The following GBP3 variants were observed in gnomAD, a reference collection of about 807,000 sequenced individuals.
GBP3 encodes the protein guanylate-binding protein 3.
In GBP3, 55 loss-of-function variants were observed where a neutral mutation model predicts 62.4. That is an observed-to-expected ratio of 0.88 (90% CI 0.71 to 1.10). GBP3 has a LOEUF of 1.10. Among genes scored for constraint, GBP3 ranks in the 50% least tolerant of loss-of-function variants. GBP3 has a pLI of 0.00. For synonymous variants in GBP3, 208 were observed against 259.2 expected (o/e 0.80, Z 1.90); for missense variants, 605 against 690.6 (o/e 0.88, Z 1.39).
chr1:89,021,499 T>TGCGC (rs143944083), intron 1 of GBP3, among the ~76,000 whole-genome samples: 19,869 of 117,532 alleles, frequency 0.17, 1,773 homozygotes, highest in Non-Finnish European at 0.24. Flanking sequence ...GAAACACGCA[T>TGCGC]GCGCGCGCGC....
rs537220924 is a variant in GBP3 at position 89,011,285 on chromosome 1, C to T, written c.1150-169G>A. ...TCCTGACCCCACTTTCTACTGAAAT[C>T]GCTTTCTCTTTAGAGGTGAGGTTCA... On this transcript the variant is annotated intron_variant, in intron 7 of 10. Coordinates refer to ENST00000370481, the MANE Select transcript of GBP3 (RefSeq NM_018284.3). Among the ~76,000 whole-genome samples, 4 of 139,704 alleles carry T rather than the reference C, an allele frequency of 2.9e-5. 1 individual carries two copies. Among genetic ancestry groups the T allele is most frequent in the South Asian group, 4.6e-4 (2 of 4,304 alleles). 91.7% of individuals were successfully genotyped at this position (139,704 alleles called of 152,430 possible). A position where few individuals can be genotyped will look rare whatever the true frequency, so the allele number is the denominator to read the frequency against.
At position 89,007,028 on chromosome 1, in the gene GBP3, A is replaced by T. The variant is rs758951073; in HGVS notation, c.*696T>A. ...ATACATTACTAAAATTACACAGTGC[A>T]TAATTGTTACCATGTGACTATTTAA... On this transcript the variant is annotated 3_prime_UTR_variant, in exon 11 of 11. Transcript: ENST00000370481. The T allele has an allele frequency of 2.6e-5, 4 of 152,252 alleles. No individual in the cohort carries two copies. The highest frequency in any genetic ancestry group is 9.6e-5 in the African/African-American group (4 of 41,474). 9.4% of individuals were successfully genotyped at this position (152,252 alleles called of 1,614,324 possible).
intron 1 of GBP3, among the ~76,000 whole-genome samples, chr1:89,022,473 C>T (rs1364145888): frequency 3.3e-5 from 5 of 152,196 alleles, no homozygotes; most frequent in Non-Finnish European, 7.3e-5. Flanking sequence ...ACTGTAGTGG[C>T]ACTTAGAGCC....
chr1:89,014,469 A>G (rs1678771605), intron 4 of GBP3, 78 bp downstream of exon 4: 1 of 1,613,712 alleles, frequency 6.2e-7, no homozygotes, highest in Admixed American at 1.7e-5. Context: ...ATTCATCAGG[A>G]TTCACAGTCA....
chr1:89,014,373 C>T (rs755401900), intron 4 of GBP3, 94 bp from the exon 5 acceptor site: 15 of 1,600,252 alleles, frequency 9.4e-6, no homozygotes, highest in Non-Finnish European at 1.3e-5. Context: ...TTCCTTTGAT[C>T]CTAACCTAAG....
intron 10 of GBP3, 48 bp from the exon 11 acceptor site, chr1:89,007,900 C>T: frequency 6.4e-7 from 1 of 1,551,334 alleles, no homozygotes; most frequent in Non-Finnish European, 8.7e-7. Context: ...TTAAGTAAAT[C>T]TCTGTAAGCT....
intron 5 of GBP3, chr1:89,013,665 C>T (rs1678715604): frequency 1.9e-6 from 1 of 513,112 alleles, no homozygotes; most frequent in Non-Finnish European, 3.4e-6. Flanking sequence ...TCTTAGGCTG[C>T]AGTTCGCCAG....
At chr1:89,011,654 A>C in intron 7 of GBP3, 93 bp downstream of exon 7, 1 of 1,325,200 alleles carries the variant, frequency 7.5e-7, no homozygotes, top group Non-Finnish European at 1.0e-6. Flanking sequence ...AATCTAGAAT[A>C]ATTATTTGTC....
At chr1:89,015,744 T>A (rs1260223395) in intron 2 of GBP3, among the ~76,000 whole-genome samples, 4 of 86,028 alleles carry the variant, frequency 4.6e-5, no homozygotes, top group Admixed American at 1.2e-4. Context: ...ACTCTTGTCT[T>A]AAAAAAAAAA....
At chr1:89,007,884 G>A in intron 10 of GBP3, 32 bp from the exon 11 acceptor site, 1 of 1,589,226 alleles carries the variant, frequency 6.3e-7, no homozygotes, top group Non-Finnish European at 8.6e-7. Context: ...CTAAATAAGT[G>A]TAGCATTAAG....
At chr1:89,021,832 A>C (rs1679248510) in intron 1 of GBP3, among the ~76,000 whole-genome samples, 39 of 141,790 alleles carry the variant, frequency 2.8e-4, no homozygotes, top group Middle Eastern at 3.6e-3. Context: ...AGAGAGAGAG[A>C]AAGTGCCAGC....
chr1:89,014,758 A>G (rs1678792970), intron 3 of GBP3, 102 bp from the exon 4 acceptor site: 2 of 1,415,830 alleles, frequency 1.4e-6, no homozygotes, highest in Non-Finnish European at 9.7e-7. Flanking sequence ...GTTTTCTTTT[A>G]AGACTAATGA....
chr1:89,021,718 G>C (rs964994046), intron 1 of GBP3, among the ~76,000 whole-genome samples: 1 of 150,966 alleles, frequency 6.6e-6, no homozygotes, highest in East Asian at 1.9e-4. Flanking sequence ...CCATTTTGTA[G>C]AGTAGGAGAA....
chr1:89,021,809 GAGAGAGAGAGA>G (rs1679241761), intron 1 of GBP3, among the ~76,000 whole-genome samples: 2 of 148,600 alleles, frequency 1.3e-5, no homozygotes, highest in African/African-American at 5.1e-5. Context: ...GAGAGAGAGA[GAGAGAGAGAGA>G]GAGAGAGAGA....
intron 5 of GBP3, 28 bp from the exon 6 acceptor site, chr1:89,013,455 C>G (rs752257792): frequency 1.3e-6 from 2 of 1,591,142 alleles, no homozygotes; most frequent in African/African-American, 2.7e-5. Context: ...AGAAATTTGC[C>G]TAATATAAGT....
At chr1:89,021,744 G>C (rs976300133) in intron 1 of GBP3, among the ~76,000 whole-genome samples, 6 of 143,738 alleles carry the variant, frequency 4.2e-5, no homozygotes, top group African/African-American at 1.5e-4. Flanking sequence ...AATGGGAAGA[G>C]GAGAAATAGA....
In GBP3 at chr1:89,012,069, A is replaced by G; in HGVS notation, c.869-42T>C. The G allele has an allele frequency of 2.1e-6, 3 of 1,408,860 alleles. 1 individual carries two copies. The highest frequency in any genetic ancestry group is 3.0e-6 in the Non-Finnish European group (3 of 1,013,900). The allele number at this position is 1,408,860 out of a possible 1,614,324, so 87.3% of individuals were successfully genotyped here. On this transcript the variant is annotated intron_variant, in intron 6 of 10. Coordinates refer to ENST00000370481, the MANE Select transcript of GBP3 (RefSeq NM_018284.3). Reference sequence around the variant, plus strand: ...AATGATAATGTTTCTTGTACTAAAGAAAACTCTCTATTCTGTGTAATTCTG... The same window carrying G: ...AATGATAATGTTTCTTGTACTAAAGGAAACTCTCTATTCTGTGTAATTCTG...
intron 10 of GBP3, 132 bp downstream of exon 10, chr1:89,008,815 A>C: frequency 6.7e-7 from 1 of 1,490,200 alleles, no homozygotes; most frequent in East Asian, 2.4e-5. Context: ...GACAGACAGA[A>C]ACAAGAAAGT....
At position 89,015,433 on chromosome 1, in the gene GBP3, A is replaced by G; in HGVS notation, c.191-19T>C. ...GAGAAGCCTGTAAAGGAGAGATGGG[A>G]TAAGAAGGGCTGGAGGTTTAATAGC... On this transcript the variant is annotated intron_variant, in intron 2 of 10. Transcript: ENST00000370481. 1 of 1,604,316 alleles carries G rather than the reference A, an allele frequency of 6.2e-7. No individual in the cohort carries two copies. Among genetic ancestry groups the G allele is most frequent in the African/African-American group, 1.3e-5 (1 of 74,484 alleles).
Sources: gnomAD v4.1 joint callset for allele counts (sites outside exome capture counted in the v4.1 genomes callset) on GRCh38, gnomAD v4.1.1 for gene constraint, MANE v1.5 for transcripts, NCBI Gene and HGNC (gene_info 2026-07-23, HGNC 2026-07-21) for gene names.